Variants in CRPPA observed in about 807,000 individuals in gnomAD.
CRPPA encodes CDP-L-ribitol pyrophosphorylase A, also known as D-ribitol-5-phosphate cytidylyltransferase.
CRPPA carries 43 observed loss-of-function variants against 52.0 expected under a neutral mutation model. The ratio of observed to expected loss-of-function variants is 0.83; its 90% CI spans 0.65 to 1.07. The LOEUF (loss-of-function observed/expected upper bound fraction) is 1.07. CRPPA is among the 50% of genes least tolerant of loss of function. The probability of loss-of-function intolerance (pLI) is 0.00; values close to 1 mark genes in which losing one functional copy is unlikely to be tolerated. For missense variants in CRPPA, 629 were observed against 551.7 expected (o/e 1.14, Z -1.40); for synonymous variants, 250 against 203.5 (o/e 1.23, Z -1.94).
rs1787949469 is a variant in CRPPA at position 16,406,190 on chromosome 7, T to C, written c.405A>G (p.Lys135=). 1 of 1,614,016 alleles carries C rather than the reference T, an allele frequency of 6.2e-7. No individual in the cohort carries two copies. Among genetic ancestry groups the C allele is most frequent in the East Asian group, 2.2e-5 (1 of 44,880 alleles). The part of the protein sequence containing the change: ...TRHRSIFNGL[K]ALAEDQINSK... ...AGTTGATCTGATCTTCTGCCAGTGCTTTTAGTCCATTGAAAATTGACCTGT... is the reference window on the plus strand; with the variant it reads ...AGTTGATCTGATCTTCTGCCAGTGCCTTTAGTCCATTGAAAATTGACCTGT... Residue 135 remains lysine, a synonymous_variant, in exon 2 of 10, where the codon AAA becomes AAG. Transcript: ENST00000407010.
In CRPPA at chr7:16,235,226, T is replaced by C. The variant is rs184759597; in HGVS notation, c.1120-19029A>G. Among the ~76,000 whole-genome samples, 301 of 152,182 alleles carry C rather than the reference T, an allele frequency of 2.0e-3. 3 individuals carry two copies. The highest frequency in any genetic ancestry group is 1.1e-3 in the Non-Finnish European group (77 of 67,962). On this transcript the variant is annotated intron_variant, in intron 8 of 9. Transcript: ENST00000407010. ...ATAGTTCAGAGAAGGAAAAAGACTT[T>C]CAAACATTTAAACTGCATGCATTTG... is the stretch of plus-strand genomic sequence containing the variant.
intron 1 of CRPPA, among the ~76,000 whole-genome samples, chr7:16,417,248 A>T (rs1182686975): frequency 6.6e-6 from 1 of 152,238 alleles, no homozygotes; most frequent in Non-Finnish European, 1.5e-5. Context: ...TTTCTCAAAG[A>T]ACTTAAAACA....
rs1434607877 is a variant in CRPPA, at chr7:16,259,840, ACT to A, written c.934-830_934-829del. ...GTGCTGTTCCTTGGTGAAACATCAA[ACT>A]CTGTAACTCTGTACATTATCTATTT... On this transcript the variant is annotated intron_variant, in intron 6 of 9. Transcript: ENST00000407010. Among the ~76,000 whole-genome samples the A allele has an allele frequency of 1.8e-4, 28 of 151,996 alleles. No individual in the cohort carries two copies. The East Asian group carries it at 5.0e-3, about 27-fold the overall frequency.
chr7:16,312,949 G>C (rs1583511269), intron 3 of CRPPA, among the ~76,000 whole-genome samples: 2 of 151,968 alleles, frequency 1.3e-5, no homozygotes, highest in Admixed American at 1.3e-4. Context: ...TTTTGCTTTT[G>C]TACATTGTTG....
chr7:16,155,170 T>C (rs1210509459), intron 9 of CRPPA, among the ~76,000 whole-genome samples: 1 of 152,144 alleles, frequency 6.6e-6, no homozygotes, highest in Non-Finnish European at 1.5e-5. Context: ...CCACTTTGTC[T>C]GTATTGTTTT....
intron 9 of CRPPA, among the ~76,000 whole-genome samples, chr7:16,142,567 T>C (rs1455870950): frequency 6.6e-6 from 1 of 152,204 alleles, no homozygotes. Flanking sequence ...TCCAAAGTAG[T>C]TCCCACTTCT....
intron 5 of CRPPA, among the ~76,000 whole-genome samples, chr7:16,293,266 G>A (rs561682069): frequency 3.3e-5 from 5 of 152,020 alleles, no homozygotes; most frequent in African/African-American, 9.6e-5. Flanking sequence ...GACCTCTTGA[G>A]TCAAAGTTAG....
intron 1 of CRPPA, among the ~76,000 whole-genome samples, chr7:16,417,585 T>C (rs969404839): frequency 1.3e-5 from 2 of 151,994 alleles, no homozygotes; most frequent in African/African-American, 4.8e-5. Context: ...AGCTAAACAA[T>C]GGGTACTCAT....
At chr7:16,160,121 GT>G (rs1783271703) in intron 9 of CRPPA, among the ~76,000 whole-genome samples, 1 of 152,104 alleles carries the variant, frequency 6.6e-6, no homozygotes, top group Non-Finnish European at 1.5e-5. Flanking sequence ...TAGGTTGCCT[GT>G]TCACTCTGAT....
rs1781763128 is a variant in CRPPA, at chr7:16,089,204, G to GTATATACATATATGTGTGTATATACA, written c.*2490_*2491insTGTATATACACACATATATGTATATA. 1 of 340,064 alleles carries GTATATACATATATGTGTGTATATACA rather than the reference G, an allele frequency of 2.9e-6. No homozygotes were observed. Among genetic ancestry groups the GTATATACATATATGTGTGTATATACA allele is most frequent in the African/African-American group, 2.1e-5 (1 of 46,812 alleles). The allele number at this position is 340,064 out of a possible 1,614,324, so 21.1% of individuals were successfully genotyped here. Reference sequence around the variant, plus strand: ...TATATACATATATGTGTGTATATACGTACGTATATACATATATGTGTGTAT... The same window carrying GTATATACATATATGTGTGTATATACA: ...TATATACATATATGTGTGTATATACGTATATACATATATGTGTGTATATACATACGTATATACATATATGTGTGTAT... On this transcript the variant is annotated 3_prime_UTR_variant, in exon 10 of 10. Coordinates refer to ENST00000407010, the MANE Select transcript of CRPPA (RefSeq NM_001101426.4).
intron 3 of CRPPA, among the ~76,000 whole-genome samples, chr7:16,375,581 G>A (rs1288439567): frequency 6.6e-5 from 10 of 152,120 alleles, no homozygotes; most frequent in Non-Finnish European, 1.5e-4. Context: ...AAAAAGACTG[G>A]CTTATAAGAC....
intron 9 of CRPPA, among the ~76,000 whole-genome samples, chr7:16,103,157 A>G (rs556579346): frequency 1.3e-5 from 2 of 152,302 alleles, no homozygotes; most frequent in East Asian, 3.9e-4. Flanking sequence ...CTTTGCAGGG[A>G]CATGGATGAA....
intron 1 of CRPPA, among the ~76,000 whole-genome samples, chr7:16,411,767 G>T (rs1409216702): frequency 6.6e-6 from 1 of 152,056 alleles, no homozygotes; most frequent in Non-Finnish European, 1.5e-5. Context: ...AGTGTGACAT[G>T]TTCACTTTTT....
intron 3 of CRPPA, among the ~76,000 whole-genome samples, chr7:16,342,291 C>CA (rs1423391008): frequency 1.3e-5 from 2 of 151,682 alleles, no homozygotes; most frequent in African/African-American, 2.4e-5. Flanking sequence ...CCTAATAAAT[C>CA]AAAAAAATAA....
intron 9 of CRPPA, among the ~76,000 whole-genome samples, chr7:16,186,318 C>G (rs1781504050): frequency 6.6e-6 from 1 of 152,058 alleles, no homozygotes; most frequent in African/African-American, 2.4e-5. Flanking sequence ...CATGACCTTC[C>G]TAAAAGGGAG....
chr7:16,405,924 A>C, intron 2 of CRPPA, 137 bp downstream of exon 2: 1 of 790,566 alleles, frequency 1.3e-6, no homozygotes, highest in Non-Finnish European at 2.0e-6. Flanking sequence ...TTACTACAAC[A>C]AATCACCATA....
At chr7:16,145,294 A>G (rs1292650641) in intron 9 of CRPPA, among the ~76,000 whole-genome samples, 1 of 152,186 alleles carries the variant, frequency 6.6e-6, no homozygotes, top group East Asian at 1.9e-4. Context: ...TGGCACAACC[A>G]TAGGACCCCA....
intron 3 of CRPPA, among the ~76,000 whole-genome samples, chr7:16,318,428 G>T (rs1785192730): frequency 6.6e-6 from 1 of 152,058 alleles, no homozygotes; most frequent in African/African-American, 2.4e-5. Context: ...ACTCCACTTT[G>T]TCCTCCCTGT....
rs187072652 is a variant in CRPPA at position 16,124,997 on chromosome 7, C to T, written c.1252-33198G>A. On this transcript the variant is annotated intron_variant, in intron 9 of 9. Coordinates refer to ENST00000407010, the MANE Select transcript of CRPPA (RefSeq NM_001101426.4). ...TGAATAGGCCAGGTGCAGTGGCTCACGCCTGTAATCCCAGCACTTTGGGAG... is the reference window on the plus strand; with the variant it reads ...TGAATAGGCCAGGTGCAGTGGCTCATGCCTGTAATCCCAGCACTTTGGGAG... 2.4e-3 allele frequency among the ~76,000 whole-genome samples: 369 copies of T among 152,076 alleles called. 1 individual carries two copies. The highest frequency in any genetic ancestry group is 8.4e-3 in the African/African-American group (349 of 41,520).
Sources: gnomAD v4.1 joint callset for allele counts (sites outside exome capture counted in the v4.1 genomes callset) on GRCh38, gnomAD v4.1.1 for gene constraint, MANE v1.5 for transcripts, NCBI Gene and HGNC (gene_info 2026-07-23, HGNC 2026-07-21) for gene names.